SLC25A48: variants seen among roughly 807,000 people sequenced by gnomAD.
SLC25A48 encodes CTC-321K16.1.
A neutral mutation model predicts 32.2 loss-of-function variants in SLC25A48; 29 were observed. That is an observed-to-expected ratio of 0.90 (90% confidence interval 0.67 to 1.23). The LOEUF (loss-of-function observed/expected upper bound fraction) is 1.23, where lower values mean the gene tolerates loss of function less well. Among genes scored for constraint, SLC25A48 ranks in the 50% most tolerant of loss-of-function variants. The probability of loss-of-function intolerance (pLI) is 0.00; values close to 1 mark genes in which losing one functional copy is unlikely to be tolerated. For missense variants in SLC25A48, 399 were observed against 422.7 expected, an observed-to-expected ratio of 0.94 and a Z score of 0.49; for synonymous variants, 164 against 172.3, an observed-to-expected ratio of 0.95 and a Z score of 0.38.
chr5:135,779,006 T>C (rs1561489129), intron 3 of SLC25A48, among the ~76,000 whole-genome samples: 1 of 151,746 alleles, frequency 6.6e-6, no homozygotes, highest in South Asian at 2.1e-4. Context: ...CCCAGTGATA[T>C]AGTTCTTAAT....
At chr5:135,718,198 T>C (rs11957486) in intron 3 of SLC25A48, among the ~76,000 whole-genome samples, 2,433 of 152,220 alleles carry the variant, frequency 0.016, 48 homozygotes, top group African/African-American at 0.046. Context: ...CCTCAGGCCT[T>C]GGTGAGGGGT....
chr5:135,734,602 T>G (rs1283337483), intron 3 of SLC25A48, among the ~76,000 whole-genome samples: 3 of 151,134 alleles, frequency 2.0e-5, no homozygotes, highest in Non-Finnish European at 3.0e-5. Flanking sequence ...CTGAGGCGGG[T>G]GGATCACGAG....
chr5:135,597,145 T>G (rs557036884), intron 1 of SLC25A48, among the ~76,000 whole-genome samples: 2 of 152,350 alleles, frequency 1.3e-5, no homozygotes, highest in South Asian at 4.1e-4. Flanking sequence ...ATTTGAGGAT[T>G]AAATGAGTTA....
chr5:135,624,016 A>C (rs1752385222), intron 1 of SLC25A48, among the ~76,000 whole-genome samples: 2 of 152,158 alleles, frequency 1.3e-5, no homozygotes, highest in Non-Finnish European at 2.9e-5. Flanking sequence ...TCTTGTCAGT[A>C]GGAGAGGCTC....
chr5:135,796,469 G>A (rs1757182658), intron 3 of SLC25A48, among the ~76,000 whole-genome samples: 1 of 151,674 alleles, frequency 6.6e-6, no homozygotes, highest in Non-Finnish European at 1.5e-5. Flanking sequence ...CCATATCCCA[G>A]GGAGTGTACA....
intron 3 of SLC25A48, among the ~76,000 whole-genome samples, chr5:135,671,926 A>G (rs2126942823): frequency 6.7e-6 from 1 of 149,118 alleles, no homozygotes; most frequent in Non-Finnish European, 1.5e-5. Flanking sequence ...CACTGAGACC[A>G]AAGTATCCGG....
At chr5:135,881,476 A>G (rs955741870) in intron 7 of SLC25A48, among the ~76,000 whole-genome samples, 4 of 152,234 alleles carry the variant, frequency 2.6e-5, no homozygotes, top group Non-Finnish European at 5.9e-5. Context: ...TTTTTGCTAA[A>G]GTGGCAACAT....
rs892104274 is a variant in SLC25A48, at chr5:135,627,328, T to C, written c.-848-1909T>C. On this transcript the variant is annotated intron_variant, in intron 1 of 10. Coordinates refer to the SLC25A48 transcript ENST00000646290. ...CTGTTTGGGGCAGTGTCTAGGACAA[T>C]GGCTGCATCCTCACTGTGGTTCTAT... is the stretch of plus-strand genomic sequence containing the variant. 2.0e-5 allele frequency among the ~76,000 whole-genome samples: 3 copies of C among 152,194 alleles called. No individual in the cohort carries two copies. The South Asian group carries it at 6.2e-4, about 31-fold the overall frequency.
chr5:135,874,626 C>A, intron 6 of SLC25A48: 3 of 690,294 alleles, frequency 4.3e-6, no homozygotes, highest in Non-Finnish European at 7.9e-6. Context: ...GCTCTCCCAC[C>A]TGAGCCCTGA....
At chr5:135,631,359 G>A (rs888956919) in intron 2 of SLC25A48, among the ~76,000 whole-genome samples, 21 of 152,196 alleles carry the variant, frequency 1.4e-4, no homozygotes, top group Admixed American at 5.9e-4. Flanking sequence ...CTCAGAGTGC[G>A]CAGGTTATGC....
intron 3 of SLC25A48, among the ~76,000 whole-genome samples, chr5:135,635,660 C>T (rs1186978679): frequency 1.3e-5 from 2 of 152,140 alleles, no homozygotes; most frequent in Non-Finnish European, 2.9e-5. Flanking sequence ...TCTTGATTTG[C>T]GGTTGTCAGT....
chr5:135,851,207 T>C (rs1023127822), intron 3 of SLC25A48, among the ~76,000 whole-genome samples: 1 of 152,170 alleles, frequency 6.6e-6, no homozygotes. Context: ...TCCTAACAAG[T>C]GTCCTGGGGC....
At chr5:135,580,222 T>G (rs990500876) in intron 1 of SLC25A48, among the ~76,000 whole-genome samples, 1 of 152,220 alleles carries the variant, frequency 6.6e-6, no homozygotes, top group Non-Finnish European at 1.5e-5. Flanking sequence ...AGGAGGGTCC[T>G]CAGTATATAC....
At chr5:135,864,648 C>T (rs1406364174) in intron 4 of SLC25A48, among the ~76,000 whole-genome samples, 2 of 152,176 alleles carry the variant, frequency 1.3e-5, no homozygotes. Context: ...AAGCATATGG[C>T]CATGCAGTTC....
intron 3 of SLC25A48, among the ~76,000 whole-genome samples, chr5:135,794,281 A>G (rs1309640085): frequency 6.6e-6 from 1 of 151,198 alleles, no homozygotes; most frequent in East Asian, 2.0e-4. Flanking sequence ...TGCGGGGGAT[A>G]TCCTTTGTGA....
At chr5:135,817,775 G>A (rs1757763853) in intron 4 of SLC25A48, among the ~76,000 whole-genome samples, 1 of 152,094 alleles carries the variant, frequency 6.6e-6, no homozygotes, top group Non-Finnish European at 1.5e-5. Context: ...TTCTGACAAA[G>A]AACTTGTATC....
intron 3 of SLC25A48, among the ~76,000 whole-genome samples, chr5:135,757,672 G>A (rs183781209): frequency 2.4e-4 from 36 of 149,606 alleles, no homozygotes; most frequent in African/African-American, 7.5e-4. Flanking sequence ...AATGTCTAGT[G>A]TTATCACACT....
At chr5:135,878,672 T>C (rs1198081795) in intron 6 of SLC25A48, among the ~76,000 whole-genome samples, 1 of 152,182 alleles carries the variant, frequency 6.6e-6, no homozygotes, top group East Asian at 1.9e-4. Flanking sequence ...GCCCAGAGAC[T>C]GAGGAAACTG....
intron 3 of SLC25A48, among the ~76,000 whole-genome samples, chr5:135,720,586 T>G (rs777334625): frequency 1.3e-5 from 2 of 152,204 alleles, no homozygotes; most frequent in Non-Finnish European, 2.9e-5. Context: ...GAACCATGGG[T>G]TCCCCAGAAT....
Sources: allele counts gnomAD v4.1 joint callset (sites outside exome capture counted in the v4.1 genomes callset), GRCh38; gene constraint gnomAD v4.1.1; transcripts MANE v1.5; gene names NCBI Gene and HGNC (gene_info 2026-07-23, HGNC 2026-07-21).